TLK2: variants seen among roughly 807,000 people sequenced by gnomAD.
TLK2 encodes the protein serine/threonine-protein kinase tousled-like 2.
A neutral mutation model predicts 117.3 loss-of-function variants in TLK2; 6 were observed. That is an observed-to-expected ratio of 0.05 (90% CI 0.03 to 0.10). The LOEUF (loss-of-function observed/expected upper bound fraction) is 0.10. Ranked by LOEUF, TLK2 falls within the 10% of genes least tolerant of loss-of-function variation. The pLI, the probability that TLK2 is intolerant of heterozygous loss-of-function variation, is 1.00. For synonymous variants in TLK2, 257 were observed against 316.7 expected (o/e 0.81, Z 2.00); for missense variants, 299 against 901.2 (o/e 0.33, Z 8.56).
At chr17:62,552,447 A>G in intron 8 of TLK2, 50 bp downstream of exon 8, 12 of 1,613,680 alleles carry the variant, frequency 7.4e-6, no homozygotes, top group Non-Finnish European at 1.0e-5. Context: ...CTGTGTAGGA[A>G]TAAGGGCTAA....
chr17:62,594,362 C>T (rs1161366066), intron 16 of TLK2, among the ~76,000 whole-genome samples: 4 of 152,066 alleles, frequency 2.6e-5, no homozygotes, highest in Non-Finnish European at 4.4e-5. Context: ...GAGCTGTGAT[C>T]GCGCCACTGC....
intron 2 of TLK2, among the ~76,000 whole-genome samples, chr17:62,488,550 G>A (rs746882872): frequency 7.9e-5 from 12 of 152,072 alleles, no homozygotes; most frequent in Non-Finnish European, 1.6e-4. Flanking sequence ...ATTTACTTTA[G>A]TATTTATTTG....
chr17:62,562,371 A>G (rs2079359593), intron 10 of TLK2, among the ~76,000 whole-genome samples: 1 of 152,202 alleles, frequency 6.6e-6, no homozygotes, highest in Admixed American at 6.5e-5. Context: ...AACAAAAAAC[A>G]CACAAATGAA....
At chr17:62,555,190 G>C (rs2078763338) in intron 9 of TLK2, among the ~76,000 whole-genome samples, 1 of 152,130 alleles carries the variant, frequency 6.6e-6, no homozygotes, top group Non-Finnish European at 1.5e-5. Context: ...CAGGGCTACT[G>C]TGACACTGCA....
At chr17:62,553,289 A>T (rs2078614560) in intron 8 of TLK2, among the ~76,000 whole-genome samples, 1 of 152,030 alleles carries the variant, frequency 6.6e-6, no homozygotes, top group Non-Finnish European at 1.5e-5. Context: ...CTCTGTTTCC[A>T]CCAGATGGCG....
At chr17:62,586,508 T>C (rs183235956) in intron 16 of TLK2, among the ~76,000 whole-genome samples, 23 of 152,220 alleles carry the variant, frequency 1.5e-4, no homozygotes, top group Admixed American at 1.5e-3. Flanking sequence ...GAAATAGCTA[T>C]AGTAAATAAA....
At chr17:62,497,991 C>T (rs1038032297) in intron 2 of TLK2, among the ~76,000 whole-genome samples, 6 of 152,092 alleles carry the variant, frequency 3.9e-5, no homozygotes, top group African/African-American at 1.2e-4. Context: ...CCACCGTGCC[C>T]AGCCCAATCT....
intron 2 of TLK2, among the ~76,000 whole-genome samples, chr17:62,505,891 C>T (rs545529838): frequency 1.3e-5 from 2 of 152,190 alleles, no homozygotes; most frequent in Admixed American, 6.5e-5. Context: ...TGGGGTTTTG[C>T]CATGTTGCTC....
chr17:62,609,488 CTGCCA>C (rs1470453454), intron 21 of TLK2, among the ~76,000 whole-genome samples: 4 of 152,206 alleles, frequency 2.6e-5, no homozygotes, highest in African/African-American at 7.2e-5. Context: ...AGTGGTTTAG[CTGCCA>C]TGTCACAGGG....
intron 16 of TLK2, among the ~76,000 whole-genome samples, chr17:62,593,716 C>T (rs1278047290): frequency 6.6e-6 from 1 of 151,752 alleles, no homozygotes; most frequent in Non-Finnish European, 1.5e-5. Flanking sequence ...TCCTGGGATA[C>T]CCTCCGAAGG....
chr17:62,523,219 CAAAA>C (rs752930197), intron 5 of TLK2, 42 bp downstream of exon 5: 2 of 1,583,942 alleles, frequency 1.3e-6, no homozygotes, highest in African/African-American at 1.4e-5. Context: ...CAAAACAAAA[CAAAA>C]AAACTCTATA....
intron 16 of TLK2, among the ~76,000 whole-genome samples, chr17:62,590,126 A>AG (rs1399543181): frequency 1.3e-5 from 2 of 149,372 alleles, no homozygotes; most frequent in Non-Finnish European, 3.0e-5. Context: ...GAAAAAAAAA[A>AG]CAAAAAAAAC....
chr17:62,576,146 G>A (rs2080768845), intron 12 of TLK2, among the ~76,000 whole-genome samples: 1 of 152,116 alleles, frequency 6.6e-6, no homozygotes, highest in Non-Finnish European at 1.5e-5. Context: ...TCTTAGATAG[G>A]TATTATCACT....
intron 2 of TLK2, among the ~76,000 whole-genome samples, chr17:62,512,063 A>C (rs1177066849): frequency 6.6e-6 from 1 of 152,144 alleles, no homozygotes; most frequent in Non-Finnish European, 1.5e-5. Context: ...TACATCCTTG[A>C]CAGTGTTTAG....
intron 8 of TLK2, 111 bp downstream of exon 8, chr17:62,552,508 C>G: frequency 6.5e-7 from 1 of 1,531,498 alleles, no homozygotes; most frequent in Non-Finnish European, 8.8e-7. Context: ...CTCTGACCAC[C>G]TCATTATTTG....
At chr17:62,575,165 T>C (rs2080680523) in intron 12 of TLK2, among the ~76,000 whole-genome samples, 1 of 152,222 alleles carries the variant, frequency 6.6e-6, no homozygotes, top group Non-Finnish European at 1.5e-5. Context: ...GCTAGTAATG[T>C]GTAAGCAATT....
chr17:62,547,641 A>G (rs533622278), intron 7 of TLK2, among the ~76,000 whole-genome samples: 1 of 152,314 alleles, frequency 6.6e-6, no homozygotes, highest in Admixed American at 6.5e-5. Flanking sequence ...TGAGCTATTT[A>G]TATGTGTATT....
At chr17:62,607,993 A>C (rs775134532) in intron 20 of TLK2, 48 bp from the exon 21 acceptor site, 6 of 1,507,040 alleles carry the variant, frequency 4.0e-6, no homozygotes, top group Middle Eastern at 1.8e-4. Flanking sequence ...TGTTTTCTCT[A>C]TAATTTTCAT....
chr17:62,506,773 G>A (rs955762365), intron 2 of TLK2, among the ~76,000 whole-genome samples: 1 of 152,074 alleles, frequency 6.6e-6, no homozygotes, highest in Non-Finnish European at 1.5e-5. Flanking sequence ...CTCGATAAAA[G>A]AGAACTTTTT....
Sources: allele counts gnomAD v4.1 joint callset (sites outside exome capture counted in the v4.1 genomes callset), GRCh38; gene constraint gnomAD v4.1.1; transcripts MANE v1.5; gene names NCBI Gene and HGNC (gene_info 2026-07-23, HGNC 2026-07-21).